RNF19A: variants seen among roughly 807,000 people sequenced by gnomAD.
RNF19A encodes ring finger protein 19A, RBR E3 ubiquitin protein ligase, also known as E3 ubiquitin-protein ligase RNF19A.
Under a neutral mutation model 75.7 loss-of-function variants are expected in RNF19A, and 32 were observed. That is an observed-to-expected ratio of 0.42 (90% CI 0.32 to 0.57). RNF19A has a LOEUF of 0.57. Ranked by LOEUF, RNF19A falls within the 20% of genes least tolerant of loss-of-function variation. The pLI is 0.10. For missense variants in RNF19A, 782 were observed against 1,036.3 expected (o/e 0.75, Z 3.37); for synonymous variants, 335 against 345.2 (o/e 0.97, Z 0.33).
intron 1 of RNF19A, among the ~76,000 whole-genome samples, chr8:100,320,445 G>T (rs1220467539): frequency 6.6e-6 from 1 of 152,156 alleles, no homozygotes; most frequent in Non-Finnish European, 1.5e-5. Flanking sequence ...ATGCCTAGAA[G>T]CAGAATTACT....
rs984975413 is a variant in RNF19A, at chr8:100,299,716, C to T, written c.-94+10151G>A. On this transcript the variant is annotated intron_variant, in intron 1 of 9. Transcript: ENST00000341084. ...GGAGGTTGAGTAAGCCAAGATTGTG[C>T]CATTGCACTCCAGCCCGGGTGACAA... is the stretch of plus-strand genomic sequence containing the variant. Among the ~76,000 whole-genome samples, 9 of 152,038 alleles carry T rather than the reference C, an allele frequency of 5.9e-5. No individual in the cohort carries two copies. The East Asian group carries it at 1.2e-3, about 20-fold the overall frequency.
rs1821125248 is a variant in RNF19A, at chr8:100,288,231, A to G, written c.-57T>C. The stretch of plus-strand genomic sequence containing the variant: ...CTTGGTTCCTTCAGAGAATTCTTGA[A>G]AAGTTCGATTTACAGAAGACTGCTA... On this transcript the variant is annotated 5_prime_UTR_variant, in exon 2 of 10. Transcript: ENST00000341084. The G allele has an allele frequency of 2.7e-6, 4 of 1,484,288 alleles. No homozygotes were observed. The highest frequency in any genetic ancestry group is 4.9e-5 in the Admixed American group (2 of 40,726). The allele number at this position is 1,484,288 out of a possible 1,614,324, so 91.9% of individuals were successfully genotyped here. A position where few individuals can be genotyped will look rare whatever the true frequency, so the allele number is the denominator to read the frequency against.
At position 100,264,775 on chromosome 8, in the gene RNF19A, C is replaced by T. The variant is rs138968684; in HGVS notation, c.1202G>A (p.Arg401His). 1,371 of 1,611,804 alleles carry T rather than the reference C, an allele frequency of 8.5e-4. 17 individuals are homozygous for T. Among genetic ancestry groups the T allele is most frequent in the Middle Eastern group, 7.4e-3 (45 of 6,054 alleles). The stretch of plus-strand genomic sequence containing the variant: ...CTTTGAAACATCCTTGCCTTCATAG[C>T]GATTGTGAATCTTGAATTAATAAAA... Reference protein sequence around the residue: ...PVYVGRKIHNRYEGKDVSKHK... With the variant: ...PVYVGRKIHNHYEGKDVSKHK... Residue 401 changes from arginine (R) to histidine (H), a missense_variant, in exon 6 of 10, where the codon CGC (arginine) becomes CAC (histidine). Arg to His is a conservative substitution (Grantham distance 29). This residue lies in a region of RNF19A where 442 missense variants were observed against 541.6 expected (regional missense o/e 0.82). Coordinates refer to ENST00000341084, the MANE Select transcript of RNF19A (RefSeq NM_183419.4). This position sits in a 1 kb window ranked among gnomAD's most constrained non-coding sequence, Gnocchi z 4.7.
At position 100,331,878 on chromosome 8, in the gene RNF19A, T is replaced by G. The variant is rs1822617664; in HGVS notation, c.-243+4230A>C. On this transcript the variant is annotated intron_variant, in intron 1 of 3. Transcript: ENST00000519527. This position sits in a 1 kb window ranked among gnomAD's most constrained non-coding sequence, Gnocchi z 5.2. ...CACAGTACTAACCTTTGCACCCTGC[T>G]TTTTTACTCAAGAATATATCTTGGA... Among the ~76,000 whole-genome samples the G allele has an allele frequency of 6.6e-6, 1 of 152,168 alleles. No individual in the cohort carries two copies. The highest frequency in any genetic ancestry group is 1.5e-5 in the Non-Finnish European group (1 of 68,012).
Position 100,259,723 on chromosome 8 carries a change from C to T in RNF19A, c.1826+131G>A. 2 of 776,926 alleles carry T rather than the reference C, an allele frequency of 2.6e-6. No individual in the cohort carries two copies. The highest frequency in any genetic ancestry group is 4.1e-6 in the Non-Finnish European group (2 of 492,538). 48.1% of individuals were successfully genotyped at this position (776,926 alleles called of 1,614,324 possible). A position where few individuals can be genotyped will look rare whatever the true frequency, so the allele number is the denominator to read the frequency against. Reference sequence around the variant, plus strand: ...TCTATACAGATTTGCCTACTCTGGACAGCTCACTGTTTCCTTTTCTCAGAG... The same window carrying T: ...TCTATACAGATTTGCCTACTCTGGATAGCTCACTGTTTCCTTTTCTCAGAG... On this transcript the variant is annotated intron_variant, in intron 9 of 9. Coordinates refer to ENST00000341084, the MANE Select transcript of RNF19A (RefSeq NM_183419.4). This position sits in a 1 kb window ranked among gnomAD's most constrained non-coding sequence, Gnocchi z 4.5.
intron 5 of RNF19A, among the ~76,000 whole-genome samples, chr8:100,266,482 G>C (rs1051111004): frequency 6.6e-6 from 1 of 151,994 alleles, no homozygotes; most frequent in Non-Finnish European, 1.5e-5. Context: ...GAAAAATTAC[G>C]ATCAGCTAAT....
At chr8:100,308,475 G>T (rs1233386684) in intron 1 of RNF19A, among the ~76,000 whole-genome samples, 3 of 152,114 alleles carry the variant, frequency 2.0e-5, no homozygotes, top group Non-Finnish European at 4.4e-5. Context: ...ACTCAATTCA[G>T]ATAGTTCAGT....
Position 100,275,074 on chromosome 8 carries a change from A to G in RNF19A, c.762T>C (p.Cys254=). The G allele has an allele frequency of 6.2e-7, 1 of 1,614,202 alleles. No homozygotes were observed. The highest frequency in any genetic ancestry group is 8.5e-7 in the Non-Finnish European group (1 of 1,180,022). Residue 254 remains cysteine (C), a synonymous_variant, in exon 3 of 10, where the codon TGT becomes TGC. Coordinates refer to ENST00000341084, the MANE Select transcript of RNF19A (RefSeq NM_183419.4). The surrounding 1 kb of genome is among the most constrained non-coding windows in gnomAD (Gnocchi z 4.3). The part of the protein sequence containing the change: ...EGCGTEFCYH[C]KQIWHPNQTC... ...TCTGGTTGGGGTGCCAAATCTGTTTACAGTGGTAGCAAAACTCTGTTCCAC... is the reference window on the plus strand; with the variant it reads ...TCTGGTTGGGGTGCCAAATCTGTTTGCAGTGGTAGCAAAACTCTGTTCCAC...
Position 100,275,175 on chromosome 8 carries a change from GA to G in RNF19A, c.675-15del. 1 of 1,607,640 alleles carries G rather than the reference GA, an allele frequency of 6.2e-7. No homozygotes were observed. Among genetic ancestry groups the G allele is most frequent in the Non-Finnish European group, 8.5e-7 (1 of 1,175,094 alleles). ...ATCACAGCATATCTTGAAAGAACAA[GA>G]AAAATGATTTAAAATGTGACATAAA... is the stretch of plus-strand genomic sequence containing the variant. On this transcript the variant is annotated splice_polypyrimidine_tract_variant and intron_variant, in intron 2 of 9. Coordinates refer to ENST00000341084, the MANE Select transcript of RNF19A (RefSeq NM_183419.4). The surrounding 1 kb of genome is among the most constrained non-coding windows in gnomAD (Gnocchi z 4.3).
chr8:100,262,983 A>C (rs1188279080), intron 7 of RNF19A, among the ~76,000 whole-genome samples: 1 of 152,176 alleles, frequency 6.6e-6, no homozygotes, highest in African/African-American at 2.4e-5. Flanking sequence ...AGGAGGATGA[A>C]GGGAAGAAGA....
At chr8:100,307,756 C>T (rs527830747) in intron 1 of RNF19A, among the ~76,000 whole-genome samples, 3 of 152,124 alleles carry the variant, frequency 2.0e-5, no homozygotes, top group Non-Finnish European at 4.4e-5. Flanking sequence ...TACTGCTTTA[C>T]GACTTCACTT....
chr8:100,297,728 A>T (rs1394677436), intron 1 of RNF19A, among the ~76,000 whole-genome samples: 1 of 152,248 alleles, frequency 6.6e-6, no homozygotes, highest in Non-Finnish European at 1.5e-5. Flanking sequence ...GTGAGTGAGA[A>T]ATAAATTGTT....
rs1253352575 is a variant in RNF19A at position 100,269,024 on chromosome 8, T to C, written c.1029-77A>G. 4.3e-6 allele frequency: 5 copies of C among 1,169,056 alleles called. No homozygotes were observed. The highest frequency in any genetic ancestry group is 5.8e-6 in the Non-Finnish European group (5 of 867,536). The allele number at this position is 1,169,056 out of a possible 1,614,324, so 72.4% of individuals were successfully genotyped here. A position where few individuals can be genotyped will look rare whatever the true frequency, so the allele number is the denominator to read the frequency against. On this transcript the variant is annotated intron_variant, in intron 4 of 9. Transcript: ENST00000341084. The surrounding 1 kb of genome is among the most constrained non-coding windows in gnomAD (Gnocchi z 5.7). ...AAATTAGTGCACTATATTAAAACAA[T>C]GACTATTTTTAAAAACTTCTCATAG...
chr8:100,261,691 C>G lies in RNF19A; in HGVS notation c.1533G>C (p.Leu511=). ...PSIGEGSVGG[L]TGSLSASGSH... is the part of the protein sequence containing the mutation. ...TTCCACTTGCACTCAAACTGCCAGT[C>G]AGCCCACCAACACTTCCCTCCCCTA... Residue 511 remains leucine (L), a synonymous_variant, in exon 8 of 10, where the codon CTG becomes CTC. Coordinates refer to ENST00000341084, the MANE Select transcript of RNF19A (RefSeq NM_183419.4). The surrounding 1 kb of genome is among the most constrained non-coding windows in gnomAD (Gnocchi z 4.4). The G allele has an allele frequency of 1.9e-6, 3 of 1,614,170 alleles. No homozygotes were observed. The highest frequency in any genetic ancestry group is 2.5e-6 in the Non-Finnish European group (3 of 1,180,028).
rs1820143528 is a variant in RNF19A at position 100,269,347 on chromosome 8, TTATG to T, written c.1029-404_1029-401del. 6.6e-6 allele frequency among the ~76,000 whole-genome samples: 1 copy of T among 151,872 alleles called. No individual in the cohort carries two copies. The highest frequency in any genetic ancestry group is 2.4e-5 in the African/African-American group (1 of 41,352). On this transcript the variant is annotated intron_variant, in intron 4 of 9. Transcript: ENST00000341084. This position sits in a 1 kb window ranked among gnomAD's most constrained non-coding sequence, Gnocchi z 5.7. The stretch of plus-strand genomic sequence containing the variant: ...CACTCTGTAGCCTAAACGATAAAAT[TTATG>T]TATGGGAAAATTCAATGAAGTATAA...
At position 100,287,740 on chromosome 8, in the gene RNF19A, A is replaced by T. The variant is rs1174863945; in HGVS notation, c.435T>A (p.Pro145=). 4 of 1,614,014 alleles carry T rather than the reference A, an allele frequency of 2.5e-6. No individual in the cohort carries two copies. The highest frequency in any genetic ancestry group is 3.4e-6 in the Non-Finnish European group (4 of 1,180,034). ...ATCTGTGATGACAAGTCATTATATC[A>T]GGAAATCTGTCTTTAGAATGCCGCA... ...CLLRHSKDRF[P]DIMTCHHRSC... The change falls in exon 2 of 10, where the codon CCT becomes CCA. Residue 145 remains proline, a synonymous_variant. Coordinates refer to ENST00000341084, the MANE Select transcript of RNF19A (RefSeq NM_183419.4). This position sits in a 1 kb window ranked among gnomAD's most constrained non-coding sequence, Gnocchi z 4.1.
At chr8:100,309,649 C>G in intron 1 of RNF19A, 1 of 924,774 alleles carries the variant, frequency 1.1e-6, no homozygotes, top group Non-Finnish European at 1.3e-6. Context: ...GGTAGGGGAC[C>G]CGGAGCTGAC....
chr8:100,325,153 C>G lies in RNF19A; in HGVS notation c.-243+10955G>C, dbSNP rs1280194680. Among the ~76,000 whole-genome samples the G allele has an allele frequency of 1.3e-5, 2 of 152,184 alleles. No homozygotes were observed. Among genetic ancestry groups the G allele is most frequent in the Non-Finnish European group, 2.9e-5 (2 of 68,040 alleles). On this transcript the variant is annotated intron_variant, in intron 1 of 3. Coordinates refer to the RNF19A transcript ENST00000519527. This position sits in a 1 kb window ranked among gnomAD's most constrained non-coding sequence, Gnocchi z 4.3. Reference sequence around the variant, plus strand: ...GAACTCCTGACCTCAGGTGATCCACCTGCCCTGGCCTCCCAAAGTCCTGGG... The same window carrying G: ...GAACTCCTGACCTCAGGTGATCCACGTGCCCTGGCCTCCCAAAGTCCTGGG...
rs777763839 is a variant in RNF19A, at chr8:100,287,788, G to A, written c.387C>T (p.Phe129=). ...LTSISKQIGD[F]IECPLCLLRH... ...GCAAAAGGCACAAAGGGCACTCTATGAAGTCTCCAATTTGTTTGCTGATGG... is the reference window on the plus strand; with the variant it reads ...GCAAAAGGCACAAAGGGCACTCTATAAAGTCTCCAATTTGTTTGCTGATGG... The change falls in exon 2 of 10, where the codon TTC becomes TTT. Residue 129 remains phenylalanine (F), a synonymous_variant. Coordinates refer to ENST00000341084, the MANE Select transcript of RNF19A (RefSeq NM_183419.4). The surrounding 1 kb of genome is among the most constrained non-coding windows in gnomAD (Gnocchi z 4.1). The A allele has an allele frequency of 1.2e-6, 2 of 1,614,162 alleles. No individual in the cohort carries two copies. The highest frequency in any genetic ancestry group is 1.3e-5 in the African/African-American group (1 of 75,052).
Sources: allele counts gnomAD v4.1 joint callset (sites outside exome capture counted in the v4.1 genomes callset), GRCh38; gene constraint gnomAD v4.1.1; regional missense constraint gnomAD v4.1.1; non-coding constraint Gnocchi (gnomAD v3.1); transcripts MANE v1.5; gene names NCBI Gene and HGNC (gene_info 2026-07-23, HGNC 2026-07-21).